The following DENND2A variants were observed in gnomAD, a reference collection of about 807,000 sequenced individuals.
DENND2A encodes DENN domain-containing protein 2A.
In DENND2A, 53 loss-of-function variants were observed where a neutral mutation model predicts 105.3. The ratio of observed to expected loss-of-function variants is 0.50; its 90% CI spans 0.40 to 0.63. DENND2A has a LOEUF of 0.63. DENND2A is among the 30% of genes least tolerant of loss of function. The pLI, the probability that DENND2A is intolerant of heterozygous loss-of-function variation, is 0.00. For synonymous variants in DENND2A, 522 were observed against 508.4 expected (o/e 1.03, Z -0.36); for missense variants, 1,138 against 1,279.6 (o/e 0.89, Z 1.69).
chr7:140,618,782 G>T (rs1236669061), intron 1 of DENND2A, among the ~76,000 whole-genome samples: 1 of 151,708 alleles, frequency 6.6e-6, no homozygotes, highest in Non-Finnish European at 1.5e-5. Flanking sequence ...TTTTTTTACG[G>T]TTGTATGATT....
Position 140,523,174 on chromosome 7 carries a change from A to C in DENND2A, c.2665+133T>G. The C allele has an allele frequency of 1.3e-6, 1 of 793,434 alleles. No individual in the cohort carries two copies. The highest frequency in any genetic ancestry group is 2.1e-6 in the Non-Finnish European group (1 of 476,256). The allele number at this position is 793,434 out of a possible 1,614,324, so 49.1% of individuals were successfully genotyped here. On this transcript the variant is annotated intron_variant, in intron 17 of 19. Transcript: ENST00000496613. The surrounding 1 kb of genome is among the most constrained non-coding windows in gnomAD (Gnocchi z 4.5). ...CTGTGGGAATGAAATCCAGATAAACAGAATGAGGCCCTGGTTTCTCTCCTT... is the reference window on the plus strand; with the variant it reads ...CTGTGGGAATGAAATCCAGATAAACCGAATGAGGCCCTGGTTTCTCTCCTT...
intron 12 of DENND2A, among the ~76,000 whole-genome samples, chr7:140,554,182 C>T (rs1486783849): frequency 6.6e-6 from 1 of 151,486 alleles, no homozygotes; most frequent in Admixed American, 6.6e-5. Flanking sequence ...GCCGAGGTCG[C>T]ACCCTTGCAC....
rs758379379 is a variant in DENND2A at position 140,573,891 on chromosome 7, G to A, written c.1363C>T (p.Pro455Ser). ...TCATCAGGGCTGCTGGGAGTGGAGGGAGGGCTGATTTTGGAAGGGGACCCA... is the reference window on the plus strand; with the variant it reads ...TCATCAGGGCTGCTGGGAGTGGAGGAAGGGCTGATTTTGGAAGGGGACCCA... Reference protein sequence around the residue: ...GTGSPSKISPPSTPSSPDDIF... With the variant: ...GTGSPSKISPSSTPSSPDDIF... The change falls in exon 6 of 20, where the codon CCC (proline) becomes TCC (serine). Residue 455 changes from proline to serine, a missense_variant. Transcript: ENST00000496613. 1.2e-6 allele frequency: 2 copies of A among 1,614,194 alleles called. No homozygotes were observed. The highest frequency in any genetic ancestry group is 2.2e-5 in the South Asian group (2 of 91,080).
chr7:140,597,845 C>T (rs998857478), intron 3 of DENND2A, among the ~76,000 whole-genome samples: 2 of 152,144 alleles, frequency 1.3e-5, no homozygotes, highest in Non-Finnish European at 2.9e-5. Flanking sequence ...CATGGGAGTG[C>T]TCGGGGACCC....
chr7:140,535,374 G>A (rs555838977), intron 14 of DENND2A, among the ~76,000 whole-genome samples: 1 of 152,190 alleles, frequency 6.6e-6, no homozygotes, highest in East Asian at 1.9e-4. Flanking sequence ...TTCCATCACT[G>A]TACTTGCAAA....
At chr7:140,606,842 T>A (rs949023596) in intron 1 of DENND2A, among the ~76,000 whole-genome samples, 1 of 152,182 alleles carries the variant, frequency 6.6e-6, no homozygotes, top group Non-Finnish European at 1.5e-5. Flanking sequence ...CTGGCCCCCA[T>A]ATAAACTGAA....
intron 3 of DENND2A, among the ~76,000 whole-genome samples, chr7:140,588,827 C>T (rs1264351921): frequency 6.7e-6 from 1 of 149,282 alleles, no homozygotes; most frequent in African/African-American, 2.5e-5. Context: ...ACTGCAACCT[C>T]TGCCTCCTGG....
At chr7:140,611,760 G>A (rs1232296489) in intron 1 of DENND2A, among the ~76,000 whole-genome samples, 1 of 152,152 alleles carries the variant, frequency 6.6e-6, no homozygotes, top group African/African-American at 2.4e-5. Flanking sequence ...TGTCCAGAGC[G>A]GGCAAATTCA....
rs1013408459 is a variant in DENND2A at position 140,527,970 on chromosome 7, A to G, written c.2328-475T>C. Among the ~76,000 whole-genome samples the G allele has an allele frequency of 1.3e-5, 2 of 151,900 alleles. No homozygotes were observed. The highest frequency in any genetic ancestry group is 1.3e-4 in the Admixed American group (2 of 15,218). On this transcript the variant is annotated intron_variant, in intron 14 of 19. Transcript: ENST00000496613. This position sits in a 1 kb window ranked among gnomAD's most constrained non-coding sequence, Gnocchi z 4.9. ...ATTCTCCCACCTCGGCCTCCTGAGTAGCTGGGACTGCAGGCACGCGCCACC... is the reference window on the plus strand; with the variant it reads ...ATTCTCCCACCTCGGCCTCCTGAGTGGCTGGGACTGCAGGCACGCGCCACC...
At chr7:140,618,504 G>A (rs1800164751) in intron 1 of DENND2A, among the ~76,000 whole-genome samples, 1 of 152,168 alleles carries the variant, frequency 6.6e-6, no homozygotes, top group East Asian at 1.9e-4. Flanking sequence ...GAGCCTCAGG[G>A]AGTTAGGTCA....
At chr7:140,628,363 C>T (rs1386820114) in intron 1 of DENND2A, among the ~76,000 whole-genome samples, 4 of 152,144 alleles carry the variant, frequency 2.6e-5, no homozygotes, top group Non-Finnish European at 5.9e-5. Context: ...AGGCGGAGGT[C>T]GCCCTCAGAC....
At chr7:140,538,813 A>T (rs947656948) in intron 14 of DENND2A, among the ~76,000 whole-genome samples, 4 of 149,034 alleles carry the variant, frequency 2.7e-5, no homozygotes, top group African/African-American at 5.0e-5. Context: ...GCCCTTTTTT[A>T]AAAAATTTTT....
At chr7:140,555,758 CAG>C in intron 11 of DENND2A, 45 bp from the exon 12 acceptor site, 1 of 1,537,412 alleles carries the variant, frequency 6.5e-7, no homozygotes, top group Non-Finnish European at 8.8e-7. Context: ...TTGACAACCT[CAG>C]GGAAGAAAGG....
Position 140,567,253 on chromosome 7 carries a change from T to C in DENND2A, c.1612A>G (p.Asn538Asp). ...KLKAHSQRLV[N>D]VKSRLKQAPR... Reference sequence around the variant, plus strand: ...GCCTGCTTCAGCCGGGACTTCACGTTGACCAGGCGCTGGCTGTGAGCTGGG... The same window carrying C: ...GCCTGCTTCAGCCGGGACTTCACGTCGACCAGGCGCTGGCTGTGAGCTGGG... Residue 538 changes from asparagine (N) to aspartate (D), a missense_variant, in exon 9 of 20, where the codon AAC (asparagine) becomes GAC (aspartate). Physicochemically the swap from Asn to Asp is conservative, Grantham distance 23. This residue lies in a region of DENND2A where 627 missense variants were observed against 779.8 expected (regional missense o/e 0.80). Transcript: ENST00000496613. 6.2e-7 allele frequency: 1 copy of C among 1,607,938 alleles called. No individual in the cohort carries two copies.
intron 1 of DENND2A, among the ~76,000 whole-genome samples, chr7:140,637,861 C>A (rs1801011053): frequency 6.6e-6 from 1 of 152,134 alleles, no homozygotes; most frequent in African/African-American, 2.4e-5. Flanking sequence ...CCCCGGACGC[C>A]TTGCTCTCTA....
intron 12 of DENND2A, among the ~76,000 whole-genome samples, chr7:140,548,548 A>G (rs952162817): frequency 1.3e-5 from 2 of 152,124 alleles, no homozygotes; most frequent in African/African-American, 4.8e-5. Context: ...CATTTATAAA[A>G]GTATCACATG....
intron 14 of DENND2A, among the ~76,000 whole-genome samples, chr7:140,532,987 C>T (rs1005919266): frequency 7.0e-6 from 1 of 142,324 alleles, no homozygotes; most frequent in African/African-American, 2.7e-5. Flanking sequence ...GAAAAGGCTA[C>T]CTGCTTTTTT....
chr7:140,612,118 G>A (rs1018741048), intron 1 of DENND2A, among the ~76,000 whole-genome samples: 1 of 152,102 alleles, frequency 6.6e-6, no homozygotes, highest in African/African-American at 2.4e-5. Flanking sequence ...GCACATGCCT[G>A]TAATCCCAGC....
Position 140,522,009 on chromosome 7 carries a change from C to A in DENND2A, c.2757G>T (p.Thr919=). ...EIVGHYSLFL[T]SGEREERTLQ... is the part of the protein sequence containing the mutation. ...GGGTTCTCTCCTCACGCTCGCCCGA[C>A]GTCAGGAACAAAGAGTAGTGTCCCA... The change falls in exon 18 of 20, where the codon ACG becomes ACT. Residue 919 remains threonine (T), a synonymous_variant. Coordinates refer to ENST00000496613, the MANE Select transcript of DENND2A (RefSeq NM_015689.5). 6.2e-7 allele frequency: 1 copy of A among 1,614,170 alleles called. No homozygotes were observed. The highest frequency in any genetic ancestry group is 1.6e-4 in the Middle Eastern group (1 of 6,062).
Sources: gnomAD v4.1 joint callset for allele counts (sites outside exome capture counted in the v4.1 genomes callset) on GRCh38, gnomAD v4.1.1 for gene constraint, gnomAD v4.1.1 regional missense constraint, Gnocchi (gnomAD v3.1) non-coding constraint, MANE v1.5 for transcripts, NCBI Gene and HGNC (gene_info 2026-07-23, HGNC 2026-07-21) for gene names.